Variants in IL24 observed in about 807,000 individuals in gnomAD.
IL24 encodes the protein interleukin 24.
IL24 carries 24 observed loss-of-function variants against 27.6 expected under a neutral mutation model. That is an observed-to-expected ratio of 0.87 (90% confidence interval 0.63 to 1.22). IL24 has a LOEUF of 1.22. Ranked by LOEUF, IL24 falls within the 50% of genes most tolerant of loss-of-function variation. The pLI, the probability that IL24 is intolerant of heterozygous loss-of-function variation, is 0.00. For synonymous variants in IL24, 99 were observed against 93.1 expected (o/e 1.06, Z -0.36); for missense variants, 240 against 237.0 (o/e 1.01, Z -0.08).
At chr1:206,897,710 T>G in intron 1 of IL24, 21 bp from the exon 2 acceptor site, 1 of 962,966 alleles carries the variant, frequency 1.0e-6, no homozygotes, top group African/African-American at 1.6e-5. Context: ...CAGAAGTCAA[T>G]TTTTTTGAGT....
In IL24 at chr1:206,904,034, T is replaced by G. The variant is rs1558643731; in HGVS notation, c.*975T>G. 1 of 152,358 alleles carries G rather than the reference T, an allele frequency of 6.6e-6. No individual in the cohort carries two copies. Among genetic ancestry groups the G allele is most frequent in the Non-Finnish European group, 1.5e-5 (1 of 68,036 alleles). The allele number at this position is 152,358 out of a possible 1,614,324, so 9.4% of individuals were successfully genotyped here. ...GATACAGTGTCTGACTATAACCTTG[T>G]TCCAAAAACCTAGGCAAAGAGTATA... On this transcript the variant is annotated 3_prime_UTR_variant, in exon 7 of 7. Transcript: ENST00000294984.
At position 206,901,631 on chromosome 1, in the gene IL24, C is replaced by A. The variant is rs1678384052; in HGVS notation, c.441C>A (p.Ile147=). The A allele has an allele frequency of 6.2e-7, 1 of 1,613,872 alleles. No individual in the cohort carries two copies. The highest frequency in any genetic ancestry group is 8.5e-7 in the Non-Finnish European group (1 of 1,179,872). ...FSTLANNFVL[I]VSQLQPSQEN... Reference sequence around the variant, plus strand: ...CTCTGGCCAACAACTTTGTTCTCATCGTGTCACAACTGCAACCCAGTGTGA... The same window carrying A: ...CTCTGGCCAACAACTTTGTTCTCATAGTGTCACAACTGCAACCCAGTGTGA... The change falls in exon 5 of 7, where the codon ATC becomes ATA. Residue 147 remains isoleucine, a synonymous_variant. Transcript: ENST00000294984.
intron 4 of IL24, 35 bp from the exon 5 acceptor site, chr1:206,901,459 G>A: frequency 1.9e-6 from 3 of 1,588,860 alleles, no homozygotes; most frequent in Non-Finnish European, 1.7e-6. Flanking sequence ...GGTGGGCAGA[G>A]GCCTTGGCTC....
chr1:206,899,318 A>G lies in IL24; in HGVS notation c.45-2A>G, dbSNP rs766873691. ...ACAGGCTGCCTCCCTTTCTTTCAGC[A>G]GACCCTTCTGCCCTCCTTTGCTGGC... On this transcript the variant is annotated splice_acceptor_variant, in intron 2 of 6. Coordinates refer to ENST00000294984, the MANE Select transcript of IL24 (RefSeq NM_006850.3). LOFTEE classifies it high-confidence loss of function. 24 of 1,613,146 alleles carry G rather than the reference A, an allele frequency of 1.5e-5. No individual in the cohort carries two copies. In the South Asian group the frequency reaches 2.5e-4, roughly 17 times the overall value.
rs141593545 is a variant in IL24 at position 206,897,862 on chromosome 1, G to T, written c.30G>T (p.Leu10=). The T allele has an allele frequency of 2.3e-4, 369 of 1,605,882 alleles. 2 individuals carry two copies. In the African/African-American group the frequency reaches 4.1e-3, roughly 18 times the overall value. The part of the protein sequence containing the change: MNFQQRLQS[L]WTLARPFCPP... ...ATTTTCAACAGAGGCTGCAAAGCCT[G>T]TGGACTTTAGCCAGGTGCGGTGGCT... The change falls in exon 2 of 7, where the codon CTG becomes CTT. Residue 10 remains leucine (L), a synonymous_variant. Transcript: ENST00000294984.
chr1:206,902,687 C>T lies in IL24; in HGVS notation c.538-289C>T, dbSNP rs550512987. ...TGTGCAGTGGATTCAGGTGGTGGGC[C>T]ATATCCATCCCATACTGCAGTTTGT... On this transcript the variant is annotated intron_variant, in intron 6 of 6. Transcript: ENST00000294984. The T allele has an allele frequency of 1.6e-5, 16 of 985,310 alleles. No homozygotes were observed. In the African/African-American group the frequency reaches 2.3e-4, roughly 14 times the overall value. The allele number at this position is 985,310 out of a possible 1,614,324, so 61.0% of individuals were successfully genotyped here.
chr1:206,897,960 C>A, intron 2 of IL24, 84 bp downstream of exon 2: 1 of 779,950 alleles, frequency 1.3e-6, no homozygotes, highest in Non-Finnish European at 2.1e-6. Context: ...CGAGACCAGC[C>A]TGGCCAACAT....
At chr1:206,902,844 T>C (rs1678449163) in intron 6 of IL24, 132 bp from the exon 7 acceptor site, 1 of 1,557,950 alleles carries the variant, frequency 6.4e-7, no homozygotes, top group African/African-American at 1.4e-5. Flanking sequence ...GCAGGTGGGT[T>C]CATCAGTGGG....
intron 4 of IL24, among the ~76,000 whole-genome samples, chr1:206,900,793 G>T (rs1678348723): frequency 6.6e-6 from 1 of 152,052 alleles, no homozygotes; most frequent in Non-Finnish European, 1.5e-5. Flanking sequence ...TATTTGCAGA[G>T]CTGGTTTCTA....
At chr1:206,902,116 T>C in intron 6 of IL24, 44 bp downstream of exon 6, 2 of 1,610,406 alleles carry the variant, frequency 1.2e-6, no homozygotes, top group Non-Finnish European at 1.7e-6. Context: ...CAGAATAGAC[T>C]AGTCTGCACC....
At chr1:206,902,516 A>C in intron 6 of IL24, 1 of 985,140 alleles carries the variant, frequency 1.0e-6, no homozygotes, top group Non-Finnish European at 1.2e-6. Flanking sequence ...CAACAAAGAA[A>C]ACCCAAATTT....
In IL24 at chr1:206,901,520, C is replaced by A; in HGVS notation, c.330C>A (p.His110Gln). Reference sequence around the variant, plus strand: ...ATGCTGAGAGCTGTTACCTTGTCCACACCCTGCTGGAGTTCTACTTGAAAA... The same window carrying A: ...ATGCTGAGAGCTGTTACCTTGTCCAAACCCTGCTGGAGTTCTACTTGAAAA... ...VSDAESCYLVHTLLEFYLKTV... is the reference protein window; with the variant it reads ...VSDAESCYLVQTLLEFYLKTV... Residue 110 changes from histidine (H) to glutamine (Q), a missense_variant, in exon 5 of 7, where the codon CAC (histidine) becomes CAA (glutamine). Physicochemically the swap from His to Gln is conservative, Grantham distance 24 (BLOSUM62 0). Transcript: ENST00000294984. The A allele has an allele frequency of 1.9e-6, 3 of 1,613,694 alleles. No individual in the cohort carries two copies. Among genetic ancestry groups the A allele is most frequent in the Non-Finnish European group, 1.7e-6 (2 of 1,179,716 alleles).
intron 6 of IL24, 139 bp from the exon 7 acceptor site, chr1:206,902,837 G>A: frequency 6.5e-7 from 1 of 1,549,406 alleles, no homozygotes. Context: ...GTGACAGGCA[G>A]GTGGGTTCAT....
chr1:206,899,801 T>C (rs1457358867), intron 3 of IL24, among the ~76,000 whole-genome samples: 1 of 151,730 alleles, frequency 6.6e-6, no homozygotes, highest in African/African-American at 2.4e-5. Flanking sequence ...CCGAATAGAG[T>C]CTTCGGCTCT....
At chr1:206,901,876 A>G (rs1678398626) in intron 5 of IL24, 122 bp from the exon 6 acceptor site, 1 of 1,024,690 alleles carries the variant, frequency 9.8e-7, no homozygotes, top group Non-Finnish European at 1.5e-6. Context: ...TGGGGAATGC[A>G]GGATTCAGCC....
chr1:206,899,654 T>G, intron 3 of IL24, 139 bp downstream of exon 3: 1 of 686,898 alleles, frequency 1.5e-6, no homozygotes, highest in Non-Finnish European at 2.3e-6. Context: ...ATAATAACTC[T>G]GTGAGGTCAG....
rs1042489301 is a variant in IL24 at position 206,900,294 on chromosome 1, G to A, written c.241-1G>A. On this transcript the variant is annotated splice_acceptor_variant, in intron 3 of 6. Coordinates refer to ENST00000294984, the MANE Select transcript of IL24 (RefSeq NM_006850.3). LOFTEE classifies it high-confidence loss of function. ...GACGTCTTTTCTTTCTGTTTGCCAAGCAAGCTCAGGATAACATCACGAGTG... is the reference window on the plus strand; with the variant it reads ...GACGTCTTTTCTTTCTGTTTGCCAAACAAGCTCAGGATAACATCACGAGTG... The A allele has an allele frequency of 3.7e-6, 6 of 1,613,796 alleles. No individual in the cohort carries two copies. Among genetic ancestry groups the A allele is most frequent in the Non-Finnish European group, 3.4e-6 (4 of 1,179,926 alleles).
At chr1:206,901,942 GT>G in intron 5 of IL24, 55 bp from the exon 6 acceptor site, 1 of 1,554,858 alleles carries the variant, frequency 6.4e-7, no homozygotes, top group East Asian at 2.2e-5. Context: ...CTGAGAGGGA[GT>G]TTGCATCTGC....
intron 3 of IL24, among the ~76,000 whole-genome samples, chr1:206,899,919 T>C (rs1397185724): frequency 6.6e-6 from 1 of 152,152 alleles, no homozygotes; most frequent in Non-Finnish European, 1.5e-5. Context: ...CCTCACCACA[T>C]GGAATATGGA....
Sources: allele counts gnomAD v4.1 joint callset (sites outside exome capture counted in the v4.1 genomes callset), GRCh38; gene constraint gnomAD v4.1.1; transcripts MANE v1.5; gene names NCBI Gene and HGNC (gene_info 2026-07-23, HGNC 2026-07-21).